TNNI3: variants seen among roughly 807,000 people sequenced by gnomAD.
TNNI3 encodes the protein troponin I3, cardiac type.
TNNI3 carries 23 observed loss-of-function variants against 31.5 expected under a neutral mutation model. The ratio of observed to expected loss-of-function variants is 0.73; its 90% CI spans 0.52 to 1.03. TNNI3 has a LOEUF of 1.03. Among genes scored for constraint, TNNI3 ranks in the 50% least tolerant of loss-of-function variants. TNNI3 has a pLI of 0.00. For synonymous variants in TNNI3, 120 were observed against 111.7 expected (o/e 1.07, Z -0.47); for missense variants, 236 against 282.9 (o/e 0.83, Z 1.19).
At position 55,152,053 on chromosome 19, in the gene TNNI3, C is replaced by T; in HGVS notation, c.550-136G>A. 1 of 785,484 alleles carries T rather than the reference C, an allele frequency of 1.3e-6. No individual in the cohort carries two copies. Among genetic ancestry groups the T allele is most frequent in the Non-Finnish European group, 2.2e-6 (1 of 460,716 alleles). 48.7% of individuals were successfully genotyped at this position (785,484 alleles called of 1,614,324 possible). A position where few individuals can be genotyped will look rare whatever the true frequency, so the allele number is the denominator to read the frequency against. ...TATCTAGTTCTGGAGCACTTCCTGT[C>T]TTTTCAAGATAATCCCTGCCAATTT... On this transcript the variant is annotated intron_variant, in intron 7 of 7. Coordinates refer to ENST00000344887, the MANE Select transcript of TNNI3 (RefSeq NM_000363.5). This position sits in a 1 kb window ranked among gnomAD's most constrained non-coding sequence, Gnocchi z 4.0.
chr19:55,154,681 G>A, intron 6 of TNNI3, 60 bp downstream of exon 6: 1 of 1,484,688 alleles, frequency 6.7e-7, no homozygotes, highest in Non-Finnish European at 9.4e-7. Flanking sequence ...GTCAGGCAGA[G>A]ACCAAGTCCC....
Position 55,157,176 on chromosome 19 carries a change from A to T in TNNI3, c.25-43T>A, listed in dbSNP as rs2085739588. The T allele has an allele frequency of 2.5e-6, 4 of 1,588,822 alleles. No individual in the cohort carries two copies. The highest frequency in any genetic ancestry group is 3.4e-6 in the Non-Finnish European group (4 of 1,168,884). On this transcript the variant is annotated intron_variant, in intron 2 of 7. Transcript: ENST00000344887. The surrounding 1 kb of genome is among the most constrained non-coding windows in gnomAD (Gnocchi z 6.3). ...GGGACCCCATCACCACCAAGACCCC[A>T]CCCAGCCCTTACCGTACCGCACCCT...
chr19:55,152,546 G>T lies in TNNI3; in HGVS notation c.550-629C>A, dbSNP rs997439198. Among the ~76,000 whole-genome samples, 1 of 152,208 alleles carries T rather than the reference G, an allele frequency of 6.6e-6. No individual in the cohort carries two copies. Among genetic ancestry groups the T allele is most frequent in the Non-Finnish European group, 1.5e-5 (1 of 68,048 alleles). On this transcript the variant is annotated intron_variant, in intron 7 of 7. Transcript: ENST00000344887. This position sits in a 1 kb window ranked among gnomAD's most constrained non-coding sequence, Gnocchi z 4.0. Reference sequence around the variant, plus strand: ...ATTTTACATCACAAGGAAAAGAAGGGTGATTACAGTGCTATAAGATATTTT... The same window carrying T: ...ATTTTACATCACAAGGAAAAGAAGGTTGATTACAGTGCTATAAGATATTTT...
At position 55,151,873 on chromosome 19, in the gene TNNI3, C is replaced by G. The variant is rs1599907577; in HGVS notation, c.594G>C (p.Leu198=). Residue 198 remains leucine (L), a synonymous_variant, in exon 8 of 8, where the codon CTG becomes CTC. Coordinates refer to ENST00000344887, the MANE Select transcript of TNNI3 (RefSeq NM_000363.5). Reference sequence around the variant, plus strand: ...TTTTCTTGCGGCCCTCCATTCCACTCAGTGCATCGATGTTCTTGCGCCAGT... The same window carrying G: ...TTTTCTTGCGGCCCTCCATTCCACTGAGTGCATCGATGTTCTTGCGCCAGT... ...VGDWRKNIDA[L]SGMEGRKKKF... The G allele has an allele frequency of 6.2e-7, 1 of 1,614,172 alleles. No homozygotes were observed. Among genetic ancestry groups the G allele is most frequent in the South Asian group, 1.1e-5 (1 of 91,082 alleles).
chr19:55,154,661 G>A, intron 6 of TNNI3, 80 bp downstream of exon 6: 2 of 1,274,140 alleles, frequency 1.6e-6, no homozygotes, highest in Non-Finnish European at 2.3e-6. Context: ...GCCAAAAGCA[G>A]CTGCAAGGGG....
Position 55,156,529 on chromosome 19 carries a change from C to G in TNNI3, c.150+74G>C. 3 of 1,542,270 alleles carry G rather than the reference C, an allele frequency of 1.9e-6. No individual in the cohort carries two copies. The highest frequency in any genetic ancestry group is 2.6e-6 in the Non-Finnish European group (3 of 1,139,858). On this transcript the variant is annotated intron_variant, in intron 4 of 7. Coordinates refer to ENST00000344887, the MANE Select transcript of TNNI3 (RefSeq NM_000363.5). This position sits in a 1 kb window ranked among gnomAD's most constrained non-coding sequence, Gnocchi z 4.6. ...CCCGCCCACTTCCGCCCACCTACCC[C>G]GAAAGCCCCACCCATTCTCAAGCTC... is the stretch of plus-strand genomic sequence containing the variant.
Position 55,157,712 on chromosome 19 carries a change from T to A in TNNI3, c.-123A>T. 1 of 1,108,300 alleles carries A rather than the reference T, an allele frequency of 9.0e-7. No individual in the cohort carries two copies. The highest frequency in any genetic ancestry group is 1.6e-5 in the African/African-American group (1 of 64,272). The allele number at this position is 1,108,300 out of a possible 1,614,324, so 68.7% of individuals were successfully genotyped here. A position where few individuals can be genotyped will look rare whatever the true frequency, so the allele number is the denominator to read the frequency against. On this transcript the variant is annotated 5_prime_UTR_variant, in exon 1 of 8. In the 5' UTR this introduces an upstream ATG that the reference lacks. Coordinates refer to ENST00000344887, the MANE Select transcript of TNNI3 (RefSeq NM_000363.5). This position sits in a 1 kb window ranked among gnomAD's most constrained non-coding sequence, Gnocchi z 6.3. ...GGACCGTCAGTCTCCTCCGGGCTGC[T>A]TGAGACTCCCCGAGGACACTGAGAT... is the stretch of plus-strand genomic sequence containing the variant.
chr19:55,156,104 A>T lies in TNNI3; in HGVS notation c.282+97T>A. 1 of 1,580,144 alleles carries T rather than the reference A, an allele frequency of 6.3e-7. No individual in the cohort carries two copies. The highest frequency in any genetic ancestry group is 1.1e-5 in the South Asian group (1 of 89,788). On this transcript the variant is annotated intron_variant, in intron 5 of 7. Coordinates refer to ENST00000344887, the MANE Select transcript of TNNI3 (RefSeq NM_000363.5). This position sits in a 1 kb window ranked among gnomAD's most constrained non-coding sequence, Gnocchi z 4.6. Reference sequence around the variant, plus strand: ...GAACCATATATAATTGGGTAAGGACAGCCATATTGGACGCCTGGGTCCCGA... The same window carrying T: ...GAACCATATATAATTGGGTAAGGACTGCCATATTGGACGCCTGGGTCCCGA...
chr19:55,154,776 C>T lies in TNNI3; in HGVS notation c.337G>A (p.Asp113Asn), dbSNP rs779064799. The T allele has an allele frequency of 1.2e-6, 2 of 1,614,190 alleles. No individual in the cohort carries two copies. The highest frequency in any genetic ancestry group is 1.7e-6 in the Non-Finnish European group (2 of 1,180,010). The change falls in exon 6 of 8, where the codon GAC becomes AAC. Residue 113 changes from aspartate to asparagine, a missense_variant. Asp to Asn is a conservative substitution (Grantham distance 23, BLOSUM62 1). Around this residue, in one of 4 missense-constraint regions of TNNI3, gnomAD observed 172 missense variants for 171.8 expected, o/e 1.00. Transcript: ENST00000344887. ...TTCTTGGTGACTTTTGCCTCTATGT[C>T]GTATCTCTCTTCATCCACCTTGTCC... ...RVDKVDEERY[D>N]IEAKVTKNIT...
At position 55,154,759 on chromosome 19, in the gene TNNI3, G is replaced by A. The variant is rs2085716325; in HGVS notation, c.354C>T (p.Val118=). 1 of 1,614,186 alleles carries A rather than the reference G, an allele frequency of 6.2e-7. No individual in the cohort carries two copies. The highest frequency in any genetic ancestry group is 8.5e-7 in the Non-Finnish European group (1 of 1,180,028). Residue 118 remains valine (V), a synonymous_variant, in exon 6 of 8, where the codon GTC becomes GTT. Transcript: ENST00000344887. ...DEERYDIEAK[V]TKNITEIADL... is the part of the protein sequence containing the mutation. ...GTCCCACCTCCGTGATGTTCTTGGT[G>A]ACTTTTGCCTCTATGTCGTATCTCT...
rs730881070 is a variant in TNNI3 at position 55,154,773 on chromosome 19, T to C, written c.340A>G (p.Ile114Val). 1.3e-5 allele frequency: 21 copies of C among 1,614,124 alleles called. No homozygotes were observed. Among genetic ancestry groups the C allele is most frequent in the African/African-American group, 2.7e-5 (2 of 74,940 alleles). ...VDKVDEERYD[I>V]EAKVTKNITE... ...ATGTTCTTGGTGACTTTTGCCTCTA[T>C]GTCGTATCTCTCTTCATCCACCTTG... Residue 114 changes from isoleucine (I) to valine (V), a missense_variant, in exon 6 of 8, where the codon ATA (isoleucine) becomes GTA (valine). By Grantham distance (29) the Ile-to-Val change is conservative. Coordinates refer to ENST00000344887, the MANE Select transcript of TNNI3 (RefSeq NM_000363.5).
In TNNI3 at chr19:55,157,013, G is replaced by A. The variant is rs1296214772; in HGVS notation, c.108+37C>T. The A allele has an allele frequency of 1.9e-6, 3 of 1,553,380 alleles. No homozygotes were observed. Among genetic ancestry groups the A allele is most frequent in the Middle Eastern group, 2.2e-4 (1 of 4,624 alleles). On this transcript the variant is annotated intron_variant, in intron 3 of 7. Coordinates refer to ENST00000344887, the MANE Select transcript of TNNI3 (RefSeq NM_000363.5). The surrounding 1 kb of genome is among the most constrained non-coding windows in gnomAD (Gnocchi z 6.3). ...CACTCCCAGGGTCTTGGATCCCTCC[G>A]GCGCCTGTACTCTGCCCCCAGGAAG... is the stretch of plus-strand genomic sequence containing the variant.
At position 55,156,726 on chromosome 19, in the gene TNNI3, G is replaced by A. The variant is rs1477184127; in HGVS notation, c.109-82C>T. 1 of 1,470,090 alleles carries A rather than the reference G, an allele frequency of 6.8e-7. No individual in the cohort carries two copies. Among genetic ancestry groups the A allele is most frequent in the South Asian group, 1.2e-5 (1 of 82,462 alleles). 91.1% of individuals were successfully genotyped at this position (1,470,090 alleles called of 1,614,324 possible). ...TGGAGGGGACCTCAAGACACCCCCA[G>A]CAAACCCAGCCGGTCCAGATTTGGG... On this transcript the variant is annotated intron_variant, in intron 3 of 7. Coordinates refer to ENST00000344887, the MANE Select transcript of TNNI3 (RefSeq NM_000363.5). This position sits in a 1 kb window ranked among gnomAD's most constrained non-coding sequence, Gnocchi z 4.6.
rs1168497747 is a variant in TNNI3, at chr19:55,156,525, A to AC, written c.150+77dup. Reference sequence around the variant, plus strand: ...AAACCCCGCCCACTTCCGCCCACCTACCCCGAAAGCCCCACCCATTCTCAA... The same window carrying AC: ...AAACCCCGCCCACTTCCGCCCACCTACCCCCGAAAGCCCCACCCATTCTCAA... On this transcript the variant is annotated intron_variant, in intron 4 of 7. Transcript: ENST00000344887. This position sits in a 1 kb window ranked among gnomAD's most constrained non-coding sequence, Gnocchi z 4.6. 52 of 1,515,382 alleles carry AC rather than the reference A, an allele frequency of 3.4e-5. No individual in the cohort carries two copies. The highest frequency in any genetic ancestry group is 2.1e-4 in the Middle Eastern group (1 of 4,726). 93.9% of individuals were successfully genotyped at this position (1,515,382 alleles called of 1,614,324 possible).
chr19:55,156,272 C>A lies in TNNI3; in HGVS notation c.211G>T (p.Glu71Ter). 6.2e-7 allele frequency: 1 copy of A among 1,611,454 alleles called. No individual in the cohort carries two copies. The highest frequency in any genetic ancestry group is 1.1e-5 in the South Asian group (1 of 90,914). ...CGGGTGCTCAGAGCGCGCCCCTTCT[C>A]TCCGCGCCGCTCCTCCGCCTCTCGC... ...LEREAEERRG[E>*]KGRALSTRCQ... is the part of the protein sequence containing the mutation. Residue 71 changes from glutamate (E) to a stop codon, truncating the protein, a stop_gained, in exon 5 of 8, where the codon GAG (glutamate) becomes TAG (stop). Coordinates refer to ENST00000344887, the MANE Select transcript of TNNI3 (RefSeq NM_000363.5). LOFTEE classifies it high-confidence loss of function. The surrounding 1 kb of genome is among the most constrained non-coding windows in gnomAD (Gnocchi z 4.6).
At chr19:55,154,507 C>T in intron 6 of TNNI3, 3 of 630,242 alleles carry the variant, frequency 4.8e-6, no homozygotes, top group South Asian at 1.9e-5. Flanking sequence ...AGCATGTTCA[C>T]TAACTTATTT....
At position 55,156,470 on chromosome 19, in the gene TNNI3, C is replaced by A. The variant is rs147232119; in HGVS notation, c.150+133G>T. On this transcript the variant is annotated intron_variant, in intron 4 of 7. Coordinates refer to ENST00000344887, the MANE Select transcript of TNNI3 (RefSeq NM_000363.5). The surrounding 1 kb of genome is among the most constrained non-coding windows in gnomAD (Gnocchi z 4.6). ...AGGCCCCGTCCCACCCCGAGCAGTA[C>A]TCCCCGCTAAAGCCACGCCCCGAGC... 2.0e-6 allele frequency: 3 copies of A among 1,500,668 alleles called. No homozygotes were observed. In the East Asian group the frequency reaches 7.4e-5, roughly 37 times the overall value. The allele number at this position is 1,500,668 out of a possible 1,614,324, so 93.0% of individuals were successfully genotyped here.
chr19:55,157,220 C>T lies in TNNI3; in HGVS notation c.24+76G>A, dbSNP rs1171372859. 2.4e-5 allele frequency: 39 copies of T among 1,600,928 alleles called. No individual in the cohort carries two copies. Among genetic ancestry groups the T allele is most frequent in the Non-Finnish European group, 3.1e-5 (36 of 1,174,600 alleles). ...GCACCCTCTGCTAGGGCTGCAGCCTCCCGCCCCAGACCCCTCACTGCAGCG... is the reference window on the plus strand; with the variant it reads ...GCACCCTCTGCTAGGGCTGCAGCCTTCCGCCCCAGACCCCTCACTGCAGCG... On this transcript the variant is annotated intron_variant, in intron 2 of 7. Coordinates refer to ENST00000344887, the MANE Select transcript of TNNI3 (RefSeq NM_000363.5). This position sits in a 1 kb window ranked among gnomAD's most constrained non-coding sequence, Gnocchi z 6.3.
Position 55,156,148 on chromosome 19 carries a change from G to C in TNNI3, c.282+53C>G. The C allele has an allele frequency of 6.2e-7, 1 of 1,612,386 alleles. No individual in the cohort carries two copies. Among genetic ancestry groups the C allele is most frequent in the Non-Finnish European group, 8.5e-7 (1 of 1,179,576 alleles). ...GTCCCGAGCAGAAGAGGGGATAGAG[G>C]CTGTACTGCTGAATTCCGGGACTAG... is the stretch of plus-strand genomic sequence containing the variant. On this transcript the variant is annotated intron_variant, in intron 5 of 7. Coordinates refer to ENST00000344887, the MANE Select transcript of TNNI3 (RefSeq NM_000363.5). The surrounding 1 kb of genome is among the most constrained non-coding windows in gnomAD (Gnocchi z 4.6).
Sources: gnomAD v4.1 joint callset for allele counts (sites outside exome capture counted in the v4.1 genomes callset) on GRCh38, gnomAD v4.1.1 for gene constraint, gnomAD v4.1.1 regional missense constraint, Gnocchi (gnomAD v3.1) non-coding constraint, MANE v1.5 for transcripts, NCBI Gene and HGNC (gene_info 2026-07-23, HGNC 2026-07-21) for gene names.